Variants in SCLT1 observed in about 807,000 individuals in gnomAD.
SCLT1 encodes sodium channel and clathrin linker 1, also known as sodium channel-associated protein 1.
SCLT1 carries 78 observed loss-of-function variants against 112.8 expected under a neutral mutation model. The observed-to-expected ratio is 0.69, with a 90% confidence interval of 0.58 to 0.83. The LOEUF (loss-of-function observed/expected upper bound fraction) is 0.83. SCLT1 is among the 40% of genes least tolerant of loss of function. The pLI is 0.00. For missense variants in SCLT1, 747 were observed against 770.4 expected (o/e 0.97, Z 0.36); for synonymous variants, 257 against 254.7 (o/e 1.01, Z -0.09).
intron 2 of SCLT1, among the ~76,000 whole-genome samples, chr4:129,073,776 ACTC>A (rs1751225142): frequency 1.3e-5 from 2 of 152,002 alleles, no homozygotes; most frequent in Admixed American, 1.3e-4. Context: ...TTAAATCCAG[ACTC>A]CTCAACATAA....
chr4:128,992,197 A>G lies in SCLT1; in HGVS notation c.656T>C (p.Val219Ala), dbSNP rs199943075. 1.9e-4 allele frequency: 303 copies of G among 1,601,506 alleles called. 1 individual carries two copies. The highest frequency in any genetic ancestry group is 4.5e-5 in the Non-Finnish European group (53 of 1,172,840). ...QFLKTVTEQS[V>A]IIEQLRKKLR... ...TTTTTTTCGGAGTTGTTCGATTATCACACTTTGTTCAGTTACTGTTTTCAG... is the reference window on the plus strand; with the variant it reads ...TTTTTTTCGGAGTTGTTCGATTATCGCACTTTGTTCAGTTACTGTTTTCAG... The change falls in exon 9 of 21, where the codon GTG (valine) becomes GCG (alanine). Residue 219 changes from valine (V) to alanine (A), a missense_variant. By Grantham distance (64) the Val-to-Ala change is moderately conservative. This residue lies in a region of SCLT1 where 723 missense variants were observed against 721.3 expected (regional missense o/e 1.00). Coordinates refer to ENST00000281142, the MANE Select transcript of SCLT1 (RefSeq NM_144643.4).
chr4:128,875,627 A>G (rs983244585), intron 4 of SCLT1, among the ~76,000 whole-genome samples: 1 of 152,220 alleles, frequency 6.6e-6, no homozygotes, highest in Non-Finnish European at 1.5e-5. Flanking sequence ...ACATCTTAGT[A>G]ACTTAGATAT....
chr4:129,011,505 T>C (rs1274632845), intron 5 of SCLT1, among the ~76,000 whole-genome samples: 2 of 152,164 alleles, frequency 1.3e-5, no homozygotes, highest in Admixed American at 6.5e-5. Flanking sequence ...TTTTGGTTAC[T>C]GTAGCCCTGA....
chr4:128,942,908 G>C (rs1737825048), intron 17 of SCLT1, 88 bp downstream of exon 17: 2 of 885,940 alleles, frequency 2.3e-6, no homozygotes, highest in Admixed American at 5.0e-5. Context: ...AAAAAAGGGG[G>C]CCTTAAAGAT....
rs375021223 is a variant in SCLT1 at position 128,936,610 on chromosome 4, G to C, written c.1829+45C>G. ...CAAGGACATTAAACTATAGGTTAAA[G>C]AATTTCTTCTGTAAAACATGTCAAA... is the stretch of plus-strand genomic sequence containing the variant. On this transcript the variant is annotated intron_variant, in intron 18 of 20. Coordinates refer to ENST00000281142, the MANE Select transcript of SCLT1 (RefSeq NM_144643.4). The C allele has an allele frequency of 2.0e-4, 249 of 1,241,878 alleles. 1 individual carries two copies. In the South Asian group the frequency reaches 3.4e-3, roughly 17 times the overall value. The allele number at this position is 1,241,878 out of a possible 1,614,324, so 76.9% of individuals were successfully genotyped here. A position where few individuals can be genotyped will look rare whatever the true frequency, so the allele number is the denominator to read the frequency against.
chr4:128,892,031 A>G (rs1733368221), intron 18 of SCLT1, among the ~76,000 whole-genome samples: 1 of 152,186 alleles, frequency 6.6e-6, no homozygotes, highest in Admixed American at 6.5e-5. Flanking sequence ...TTACTCCAGT[A>G]TCACTTCAGT....
At chr4:128,989,674 AGTT>A (rs1742393384) in intron 9 of SCLT1, among the ~76,000 whole-genome samples, 1 of 151,722 alleles carries the variant, frequency 6.6e-6, no homozygotes, top group Non-Finnish European at 1.5e-5. Context: ...AGTGAAAAAA[AGTT>A]GTTTTTTTAA....
intron 18 of SCLT1, among the ~76,000 whole-genome samples, chr4:128,929,324 T>C (rs890210683): frequency 3.3e-5 from 5 of 152,128 alleles, no homozygotes; most frequent in Non-Finnish European, 5.9e-5. Context: ...AAATGGAGAG[T>C]TATTTCACGT....
At chr4:129,045,544 T>C (rs534356099) in intron 2 of SCLT1, among the ~76,000 whole-genome samples, 1 of 152,054 alleles carries the variant, frequency 6.6e-6, no homozygotes, top group African/African-American at 2.4e-5. Context: ...AATGATACAA[T>C]AGAATCCCAT....
At chr4:129,034,555 T>C (rs1325158805) in intron 5 of SCLT1, among the ~76,000 whole-genome samples, 1 of 137,382 alleles carries the variant, frequency 7.3e-6, no homozygotes, top group Non-Finnish European at 1.6e-5. Flanking sequence ...AGTTTTATGT[T>C]TCTGTGTTCT....
intron 18 of SCLT1, among the ~76,000 whole-genome samples, chr4:128,897,041 G>A (rs563324104): frequency 1.1e-4 from 16 of 152,264 alleles, no homozygotes; most frequent in South Asian, 8.3e-4. Context: ...ACCAACTCTC[G>A]TCTGATTGGT....
At position 128,970,487 on chromosome 4, in the gene SCLT1, T is replaced by G; in HGVS notation, c.687-19A>C. The G allele has an allele frequency of 2.3e-6, 3 of 1,327,660 alleles. No individual in the cohort carries two copies. In the South Asian group the frequency reaches 3.5e-5, roughly 16 times the overall value. 82.2% of individuals were successfully genotyped at this position (1,327,660 alleles called of 1,614,324 possible). A position where few individuals can be genotyped will look rare whatever the true frequency, so the allele number is the denominator to read the frequency against. On this transcript the variant is annotated intron_variant, in intron 9 of 20. Coordinates refer to ENST00000281142, the MANE Select transcript of SCLT1 (RefSeq NM_144643.4). ...GGCTTGCCTAAAAAATAAAGTAAAT[T>G]AATAAACACTGTTTTCATAGACCAC...
intron 18 of SCLT1, among the ~76,000 whole-genome samples, chr4:128,908,847 G>C (rs893540834): frequency 1.4e-4 from 22 of 152,132 alleles, no homozygotes; most frequent in Non-Finnish European, 2.2e-4. Flanking sequence ...AGGAAACCAC[G>C]TGTTAAAGAA....
intron 17 of SCLT1, among the ~76,000 whole-genome samples, chr4:128,942,125 T>C (rs1307564264): frequency 6.6e-6 from 1 of 152,074 alleles, no homozygotes; most frequent in Non-Finnish European, 1.5e-5. Flanking sequence ...AAGGTCAAAG[T>C]ACAAACTTCT....
Position 128,999,737 on chromosome 4 carries a change from G to A in SCLT1, c.484C>T (p.His162Tyr). ...QTVSQELDRL[H>Y]KLYQEHMTEA... Reference sequence around the variant, plus strand: ...GTCATATGTTCCTGGTAAAGCTTGTGTAGTCTGTCCAACTCCTGAGAAACA... The same window carrying A: ...GTCATATGTTCCTGGTAAAGCTTGTATAGTCTGTCCAACTCCTGAGAAACA... The change falls in exon 7 of 21, where the codon CAC (histidine) becomes TAC (tyrosine). Residue 162 changes from histidine (H) to tyrosine (Y), a missense_variant. Physicochemically the swap from His to Tyr is moderately conservative, Grantham distance 83 (BLOSUM62 2). Around this residue, in one of 2 missense-constraint regions of SCLT1, gnomAD observed 723 missense variants for 721.3 expected, o/e 1.00. Transcript: ENST00000281142. 2 of 1,606,624 alleles carry A rather than the reference G, an allele frequency of 1.2e-6. No individual in the cohort carries two copies. Among genetic ancestry groups the A allele is most frequent in the South Asian group, 2.2e-5 (2 of 90,510 alleles).
At position 128,987,380 on chromosome 4, in the gene SCLT1, C is replaced by T. The variant is rs72922083; in HGVS notation, c.686+4787G>A. Among the ~76,000 whole-genome samples the T allele has an allele frequency of 6.5e-3, 992 of 152,200 alleles. 7 individuals are homozygous for T. Among genetic ancestry groups the T allele is most frequent in the African/African-American group, 0.016 (684 of 41,528 alleles). The stretch of plus-strand genomic sequence containing the variant: ...ACCAGTGTGACCAATCCTAGAGTGA[C>T]GGAGATATGTGACATTTCACACAAG... On this transcript the variant is annotated intron_variant, in intron 9 of 20. Coordinates refer to ENST00000281142, the MANE Select transcript of SCLT1 (RefSeq NM_144643.4).
intron 17 of SCLT1, among the ~76,000 whole-genome samples, chr4:128,939,126 C>A (rs555079004): frequency 6.6e-6 from 1 of 152,130 alleles, no homozygotes; most frequent in Non-Finnish European, 1.5e-5. Context: ...GCTTTAAGAC[C>A]CTTTATGATA....
intron 8 of SCLT1, among the ~76,000 whole-genome samples, chr4:128,996,546 C>T (rs1177552590): frequency 1.3e-5 from 2 of 152,112 alleles, no homozygotes; most frequent in African/African-American, 2.4e-5. Flanking sequence ...TTGAACTGTA[C>T]AAGATCTTAT....
chr4:128,907,510 C>G (rs1734780086), intron 18 of SCLT1, among the ~76,000 whole-genome samples: 1 of 151,802 alleles, frequency 6.6e-6, no homozygotes, highest in Non-Finnish European at 1.5e-5. Context: ...GATGATATTA[C>G]CATTCACAGA....
Sources: gnomAD v4.1 joint callset for allele counts (sites outside exome capture counted in the v4.1 genomes callset) on GRCh38, gnomAD v4.1.1 for gene constraint, gnomAD v4.1.1 regional missense constraint, MANE v1.5 for transcripts, NCBI Gene and HGNC (gene_info 2026-07-23, HGNC 2026-07-21) for gene names.